The following CLEC16A variants were observed in gnomAD, a reference collection of about 807,000 sequenced individuals.
The protein encoded by CLEC16A is C-type lectin domain containing 16A.
Under a neutral mutation model 109.5 loss-of-function variants are expected in CLEC16A, and 51 were observed. The ratio of observed to expected loss-of-function variants is 0.47; its 90% CI spans 0.37 to 0.59. CLEC16A has a LOEUF of 0.59. Among genes scored for constraint, CLEC16A ranks in the 20% least tolerant of loss-of-function variants. The probability of loss-of-function intolerance (pLI) is 0.00; values close to 1 mark genes in which losing one functional copy is unlikely to be tolerated. For synonymous variants in CLEC16A, 673 were observed against 564.2 expected (o/e 1.19, Z -2.73); for missense variants, 1,339 against 1,394.0 (o/e 0.96, Z 0.63).
intron 22 of CLEC16A, among the ~76,000 whole-genome samples, chr16:11,134,823 A>T (rs2153055226): frequency 6.6e-6 from 1 of 152,340 alleles, no homozygotes; most frequent in South Asian, 2.1e-4. Flanking sequence ...TCAGTAGGAT[A>T]GGCCCTCCTT....
At chr16:11,033,260 A>T (rs1230473001) in intron 13 of CLEC16A, among the ~76,000 whole-genome samples, 1 of 152,026 alleles carries the variant, frequency 6.6e-6, no homozygotes, top group Non-Finnish European at 1.5e-5. Flanking sequence ...GAGAGTCACT[A>T]GGCTAGGGGT....
At chr16:11,064,288 TC>T (rs1344665990) in intron 19 of CLEC16A, among the ~76,000 whole-genome samples, 1 of 152,186 alleles carries the variant, frequency 6.6e-6, no homozygotes, top group Non-Finnish European at 1.5e-5. Flanking sequence ...ACCGAGTGCC[TC>T]CCCAGCCCCA....
chr16:11,113,349 A>G (rs1324156138), intron 19 of CLEC16A, among the ~76,000 whole-genome samples: 6 of 152,162 alleles, frequency 3.9e-5, no homozygotes, highest in Non-Finnish European at 5.9e-5. Flanking sequence ...CAAATAACAT[A>G]CCTATTTTCC....
At chr16:11,019,281 A>T (rs1843837977) in intron 11 of CLEC16A, among the ~76,000 whole-genome samples, 1 of 152,194 alleles carries the variant, frequency 6.6e-6, no homozygotes, top group Non-Finnish European at 1.5e-5. Flanking sequence ...TTAATTCAAG[A>T]TGTTTTCTTT....
At chr16:11,149,125 G>A (rs569651513) in intron 22 of CLEC16A, among the ~76,000 whole-genome samples, 1 of 152,260 alleles carries the variant, frequency 6.6e-6, no homozygotes, top group African/African-American at 2.4e-5. Context: ...CCAGGGGAGG[G>A]GCCAGGCTTC....
intron 19 of CLEC16A, among the ~76,000 whole-genome samples, chr16:11,111,139 C>A (rs1404626108): frequency 6.6e-6 from 1 of 152,068 alleles, no homozygotes; most frequent in African/African-American, 2.4e-5. Context: ...TTAGATGTGC[C>A]TGGATGTAGC....
intron 11 of CLEC16A, among the ~76,000 whole-genome samples, chr16:11,006,974 G>A (rs1476978161): frequency 6.6e-6 from 1 of 152,168 alleles, no homozygotes; most frequent in Non-Finnish European, 1.5e-5. Flanking sequence ...AGGCAAAGAA[G>A]CATTCACTCT....
rs574107919 is a variant in CLEC16A at position 11,119,790 on chromosome 16, A to T, written c.2117-825A>T. ...TTTTTTTCTAATACTGTGAAAAATGATGTTGGTATTTTGATAGGAATTGCA... is the reference window on the plus strand; with the variant it reads ...TTTTTTTCTAATACTGTGAAAAATGTTGTTGGTATTTTGATAGGAATTGCA... On this transcript the variant is annotated intron_variant, in intron 19 of 23. Transcript: ENST00000409790. Among the ~76,000 whole-genome samples, 11 of 152,114 alleles carry T rather than the reference A, an allele frequency of 7.2e-5. No individual in the cohort carries two copies. In the South Asian group the frequency reaches 2.3e-3, roughly 32 times the overall value.
At position 11,003,229 on chromosome 16, in the gene CLEC16A, T is replaced by A. The variant is rs1016979068; in HGVS notation, c.1227T>A (p.Asp409Glu). Residue 409 changes from aspartate to glutamate, a missense_variant, in exon 11 of 24, where the codon GAT (aspartate) becomes GAA (glutamate). Physicochemically the swap from Asp to Glu is conservative, Grantham distance 45. Coordinates refer to ENST00000409790, the MANE Select transcript of CLEC16A (RefSeq NM_015226.3). ...ATGAGGAGAAAGGGCCCACCGAGGATGCCCAAGAAGACGCCGAGAAGGCTA... is the reference window on the plus strand; with the variant it reads ...ATGAGGAGAAAGGGCCCACCGAGGAAGCCCAAGAAGACGCCGAGAAGGCTA... The part of the protein sequence containing the change: ...EEDEEKGPTE[D>E]AQEDAEKAKG... The A allele has an allele frequency of 6.2e-7, 1 of 1,612,474 alleles. No homozygotes were observed.
intron 22 of CLEC16A, among the ~76,000 whole-genome samples, chr16:11,130,220 T>C (rs932063401): frequency 6.6e-6 from 1 of 152,184 alleles, no homozygotes. Context: ...GTGCCCCCAC[T>C]TAGTATCGTT....
chr16:11,137,843 G>A (rs1192065323), intron 22 of CLEC16A, among the ~76,000 whole-genome samples: 2 of 152,240 alleles, frequency 1.3e-5, no homozygotes, highest in African/African-American at 2.4e-5. Context: ...CAGTATTGCC[G>A]AGTGCACAGT....
chr16:11,133,084 GCTGT>G (rs918688748), intron 22 of CLEC16A, among the ~76,000 whole-genome samples: 2 of 152,178 alleles, frequency 1.3e-5, no homozygotes, highest in Non-Finnish European at 2.9e-5. Flanking sequence ...TGGGGCTCCA[GCTGT>G]CTTGTGGTAG....
At chr16:11,120,831 C>A in intron 20 of CLEC16A, 65 bp downstream of exon 20, 1 of 1,206,538 alleles carries the variant, frequency 8.3e-7, no homozygotes, top group Non-Finnish European at 1.1e-6. Flanking sequence ...CACACACACA[C>A]ACACACACCA....
intron 10 of CLEC16A, among the ~76,000 whole-genome samples, chr16:11,001,494 A>G (rs539724085): frequency 1.3e-3 from 205 of 152,344 alleles, no homozygotes; most frequent in African/African-American, 4.7e-3. Context: ...GTAAGCCCCA[A>G]TTCAAATTCT....
At position 11,178,700 on chromosome 16, in the gene CLEC16A, G is replaced by A. The variant is rs906985728; in HGVS notation, c.*10G>A. The A allele has an allele frequency of 1.6e-5, 23 of 1,461,972 alleles. No homozygotes were observed. The highest frequency in any genetic ancestry group is 8.4e-5 in the African/African-American group (6 of 71,056). 90.6% of individuals were successfully genotyped at this position (1,461,972 alleles called of 1,614,324 possible). Reference sequence around the variant, plus strand: ...CACCGCTGAGGACTGAGTCAGTGCCGGGGCCTCCCTTTGTGTGTGTGGCCC... The same window carrying A: ...CACCGCTGAGGACTGAGTCAGTGCCAGGGCCTCCCTTTGTGTGTGTGGCCC... On this transcript the variant is annotated 3_prime_UTR_variant, in exon 24 of 24. Transcript: ENST00000409790. The surrounding 1 kb of genome is among the most constrained non-coding windows in gnomAD (Gnocchi z 6.5).
rs542358840 is a variant in CLEC16A, at chr16:11,164,511, G to C, written c.2642-1877G>C. Among the ~76,000 whole-genome samples the C allele has an allele frequency of 8.5e-5, 13 of 152,296 alleles. No homozygotes were observed. The South Asian group carries it at 2.5e-3, about 29-fold the overall frequency. ...TGAGGGACATCAGGGACTTGCCCAA[G>C]GTCCCTCAGCTGGGAAGTGAGCAGA... On this transcript the variant is annotated intron_variant, in intron 22 of 23. Transcript: ENST00000409790.
Position 10,973,134 on chromosome 16 carries a change from A to C in CLEC16A, c.728+73A>C, listed in dbSNP as rs77067140. On this transcript the variant is annotated intron_variant, in intron 7 of 23. Transcript: ENST00000409790. ...GGGAGAATTCTGTTTTCATCAAGGAAAAATAAACACAAGAACCGCACTTCC... is the reference window on the plus strand; with the variant it reads ...GGGAGAATTCTGTTTTCATCAAGGACAAATAAACACAAGAACCGCACTTCC... 1,228 of 1,506,088 alleles carry C rather than the reference A, an allele frequency of 8.2e-4. 2 individuals are homozygous for C. The highest frequency in any genetic ancestry group is 9.8e-4 in the South Asian group (78 of 79,324). The allele number at this position is 1,506,088 out of a possible 1,614,324, so 93.3% of individuals were successfully genotyped here.
chr16:10,944,978 C>G (rs1255368929), intron 1 of CLEC16A, among the ~76,000 whole-genome samples, 181 bp downstream of exon 1: 3 of 152,230 alleles, frequency 2.0e-5, no homozygotes, highest in Non-Finnish European at 4.4e-5. Context: ...CTGACCCCGT[C>G]GCTCTTGGCT....
intron 19 of CLEC16A, among the ~76,000 whole-genome samples, chr16:11,103,319 C>A (rs1197877672): frequency 2.0e-5 from 3 of 152,202 alleles, no homozygotes; most frequent in Admixed American, 6.5e-5. Context: ...AGGGCTCACT[C>A]CTGTAATCCC....
Sources: allele counts gnomAD v4.1 joint callset (sites outside exome capture counted in the v4.1 genomes callset), GRCh38; gene constraint gnomAD v4.1.1; non-coding constraint Gnocchi (gnomAD v3.1); transcripts MANE v1.5; gene names NCBI Gene and HGNC (gene_info 2026-07-23, HGNC 2026-07-21).